SMYD3: variants seen among roughly 807,000 people sequenced by gnomAD.
The protein encoded by SMYD3 is SET and MYND domain containing 3.
In SMYD3, 36 loss-of-function variants were observed where a neutral mutation model predicts 57.7. The ratio of observed to expected loss-of-function variants is 0.62; its 90% CI spans 0.48 to 0.82. SMYD3 has a LOEUF of 0.82. Ranked by LOEUF, SMYD3 falls within the 40% of genes least tolerant of loss-of-function variation. The pLI is 0.00. For missense variants in SMYD3, 515 were observed against 538.8 expected, an observed-to-expected ratio of 0.96 and a Z score of 0.44; for synonymous variants, 211 against 195.0, an observed-to-expected ratio of 1.08 and a Z score of -0.68.
At chr1:246,029,524 T>C (rs1259905519) in intron 5 of SMYD3, among the ~76,000 whole-genome samples, 1 of 151,290 alleles carries the variant, frequency 6.6e-6, no homozygotes, top group Non-Finnish European at 1.5e-5. Flanking sequence ...TACAAAAAAT[T>C]AGCCAGGCGT....
intron 5 of SMYD3, among the ~76,000 whole-genome samples, chr1:246,048,188 C>A (rs929956710): frequency 1.3e-5 from 2 of 152,186 alleles, no homozygotes; most frequent in African/African-American, 2.4e-5. Context: ...CAAGAACATG[C>A]AAACTCACGT....
At chr1:246,188,158 G>C (rs1391911933) in intron 5 of SMYD3, among the ~76,000 whole-genome samples, 1 of 152,154 alleles carries the variant, frequency 6.6e-6, no homozygotes, top group Admixed American at 6.5e-5. Context: ...ACTACTATCA[G>C]AATGTTGTCG....
At chr1:245,881,136 C>A (rs2052757744) in intron 8 of SMYD3, among the ~76,000 whole-genome samples, 1 of 152,094 alleles carries the variant, frequency 6.6e-6, no homozygotes, top group East Asian at 1.9e-4. Context: ...TGCTTTTGAC[C>A]AGATTAGAAA....
chr1:246,223,235 C>A (rs1400527024), intron 5 of SMYD3, among the ~76,000 whole-genome samples: 1 of 152,160 alleles, frequency 6.6e-6, no homozygotes, highest in Non-Finnish European at 1.5e-5. Flanking sequence ...TGTATGACCA[C>A]TCACAACTGA....
At chr1:246,013,729 T>C (rs184436964) in intron 5 of SMYD3, among the ~76,000 whole-genome samples, 18 of 152,264 alleles carry the variant, frequency 1.2e-4, no homozygotes, top group African/African-American at 3.6e-4. Flanking sequence ...CTCAAAAATG[T>C]ATAAAAGTCA....
At chr1:246,084,673 G>T (rs1222988555) in intron 5 of SMYD3, among the ~76,000 whole-genome samples, 3 of 152,108 alleles carry the variant, frequency 2.0e-5, no homozygotes, top group Admixed American at 2.0e-4. Flanking sequence ...GAGGGTCATT[G>T]TTTTACCTCT....
At position 245,976,968 on chromosome 1, in the gene SMYD3, ATCGTCTCCG is replaced by A. The variant is rs1558551078; in HGVS notation, c.532-47040_532-47032del. Among the ~76,000 whole-genome samples, 14 of 39,960 alleles carry A rather than the reference ATCGTCTCCG, an allele frequency of 3.5e-4. 3 individuals carry two copies. The highest frequency in any genetic ancestry group is 1.1e-3 in the Admixed American group (4 of 3,630). 26.2% of individuals were successfully genotyped at this position (39,960 alleles called of 152,430 possible). ...CATCGTCTCTAGCCTAGGGAAAGCCATCGTCTCCGGCCCAGGGAAAGCCATCGTCTCTAG... is the reference window on the plus strand; with the variant it reads ...CATCGTCTCTAGCCTAGGGAAAGCCAGCCCAGGGAAAGCCATCGTCTCTAG... On this transcript the variant is annotated intron_variant, in intron 5 of 11. Transcript: ENST00000490107.
At position 246,247,457 on chromosome 1, in the gene SMYD3, C is replaced by A. The variant is rs1292134037; in HGVS notation, c.531+79744G>T. ...AAGAGAAGGATAACTCTCTCTCTCT[C>A]TCTCTCTCTATATATATATATATAT... is the stretch of plus-strand genomic sequence containing the variant. On this transcript the variant is annotated intron_variant, in intron 5 of 11. Coordinates refer to ENST00000490107, the MANE Select transcript of SMYD3 (RefSeq NM_001167740.2). Among the ~76,000 whole-genome samples, 1,659 of 94,514 alleles carry A rather than the reference C, an allele frequency of 0.018. 114 individuals carry two copies. The East Asian group carries it at 0.33, about 19-fold the overall frequency. The allele number at this position is 94,514 out of a possible 152,430, so 62.0% of individuals were successfully genotyped here.
At chr1:245,939,076 G>C (rs183936649) in intron 5 of SMYD3, among the ~76,000 whole-genome samples, 228 of 151,916 alleles carry the variant, frequency 1.5e-3, no homozygotes, top group African/African-American at 4.9e-3. Context: ...CTAGGAAGTG[G>C]AGGTTACAGT....
chr1:246,005,633 T>A (rs2059155304), intron 5 of SMYD3, among the ~76,000 whole-genome samples: 1 of 152,198 alleles, frequency 6.6e-6, no homozygotes, highest in African/African-American at 2.4e-5. Flanking sequence ...GAGAGTCATA[T>A]GGGCATAGTT....
At chr1:246,005,966 C>T (rs1336064590) in intron 5 of SMYD3, among the ~76,000 whole-genome samples, 1 of 152,044 alleles carries the variant, frequency 6.6e-6, no homozygotes, top group African/African-American at 2.4e-5. Flanking sequence ...AGTTTGAGAA[C>T]CTAATTGTTC....
At chr1:246,301,638 T>C (rs1490755245) in intron 5 of SMYD3, among the ~76,000 whole-genome samples, 2 of 152,154 alleles carry the variant, frequency 1.3e-5, no homozygotes, top group Non-Finnish European at 2.9e-5. Flanking sequence ...GGGAACACAA[T>C]AACATTTCTG....
intron 5 of SMYD3, among the ~76,000 whole-genome samples, chr1:245,996,009 A>AT (rs2058922727): frequency 6.6e-6 from 1 of 152,240 alleles, no homozygotes; most frequent in Non-Finnish European, 1.5e-5. Flanking sequence ...TTTTTGGCAC[A>AT]TTAGAGTTTG....
intron 10 of SMYD3, among the ~76,000 whole-genome samples, chr1:245,770,610 A>G (rs1318085982): frequency 1.3e-5 from 2 of 152,200 alleles, no homozygotes; most frequent in African/African-American, 4.8e-5. Context: ...TGCATTTGGT[A>G]AAATTATAAC....
chr1:246,457,553 A>G (rs1336422919), intron 1 of SMYD3, among the ~76,000 whole-genome samples: 1 of 94,836 alleles, frequency 1.1e-5, no homozygotes, highest in African/African-American at 3.8e-5. Context: ...AAAAAAGAAA[A>G]GAAAAGAAAA....
chr1:246,354,645 T>A, intron 2 of SMYD3, among the ~76,000 whole-genome samples: 1 of 46,426 alleles, frequency 2.2e-5, no homozygotes. Context: ...CAGATTAAAC[T>A]ATATCTTTTT....
intron 8 of SMYD3, among the ~76,000 whole-genome samples, chr1:245,898,561 T>C (rs2053979756): frequency 6.6e-6 from 1 of 152,180 alleles, no homozygotes; most frequent in African/African-American, 2.4e-5. Flanking sequence ...ATGAGAATAG[T>C]GGCATCTGAG....
At chr1:245,770,278 A>G (rs530758704) in intron 10 of SMYD3, among the ~76,000 whole-genome samples, 1 of 152,216 alleles carries the variant, frequency 6.6e-6, no homozygotes, top group South Asian at 2.1e-4. Flanking sequence ...AGAGACAGAG[A>G]GGCTCACCAG....
intron 5 of SMYD3, among the ~76,000 whole-genome samples, chr1:246,227,476 G>A (rs2063345915): frequency 6.6e-6 from 1 of 152,142 alleles, no homozygotes; most frequent in Admixed American, 6.6e-5. Flanking sequence ...TTAACCGGGT[G>A]TGGTGGCGGG....
Sources: gnomAD v4.1 joint callset for allele counts (sites outside exome capture counted in the v4.1 genomes callset) on GRCh38, gnomAD v4.1.1 for gene constraint, MANE v1.5 for transcripts, NCBI Gene and HGNC (gene_info 2026-07-23, HGNC 2026-07-21) for gene names.